Variants in VPS13B observed in about 807,000 individuals in gnomAD.
The protein encoded by VPS13B is intermembrane lipid transfer protein VPS13B.
Under a neutral mutation model 426.4 loss-of-function variants are expected in VPS13B, and 285 were observed. That is an observed-to-expected ratio of 0.67 (90% CI 0.61 to 0.74). The LOEUF (loss-of-function observed/expected upper bound fraction) is 0.74, where lower values mean the gene tolerates loss of function less well. Ranked by LOEUF, VPS13B falls within the 30% of genes least tolerant of loss-of-function variation. VPS13B has a pLI of 0.00. For synonymous variants in VPS13B, 1,676 were observed against 1,676.4 expected, an observed-to-expected ratio of 1.00 and a Z score of 0.01; for missense variants, 4,537 against 4,782.6, an observed-to-expected ratio of 0.95 and a Z score of 1.51.
intron 17 of VPS13B, among the ~76,000 whole-genome samples, chr8:99,234,611 C>G (rs1326504704): frequency 1.3e-5 from 2 of 152,244 alleles, no homozygotes; most frequent in Non-Finnish European, 2.9e-5. Context: ...TGCGCTCGCG[C>G]AGTCCCTAGT....
chr8:99,724,672 G>T (rs1215746290), intron 39 of VPS13B, among the ~76,000 whole-genome samples: 1 of 152,092 alleles, frequency 6.6e-6, no homozygotes, highest in Non-Finnish European at 1.5e-5. Flanking sequence ...CACATAGTGA[G>T]CTCTTAATAA....
At chr8:99,121,789 A>G in intron 8 of VPS13B, 1 of 212,830 alleles carries the variant, frequency 4.7e-6, no homozygotes, top group Non-Finnish European at 9.1e-6. Context: ...TTTACCTGTC[A>G]GGTACGGTTT....
At chr8:99,848,717 G>T in intron 54 of VPS13B, 59 bp from the exon 55 acceptor site, 1 of 1,493,480 alleles carries the variant, frequency 6.7e-7, no homozygotes. Flanking sequence ...TTGAAGTCAA[G>T]CCACTTCAAT....
At chr8:99,697,289 G>T in intron 35 of VPS13B, 2 of 577,298 alleles carry the variant, frequency 3.5e-6, no homozygotes. Flanking sequence ...AGAAGCGCTC[G>T]GAGTTGGAGA....
chr8:99,162,547 G>A (rs966721537), intron 15 of VPS13B, among the ~76,000 whole-genome samples: 1 of 152,052 alleles, frequency 6.6e-6, no homozygotes, highest in African/African-American at 2.4e-5. Flanking sequence ...TGTATTTGGA[G>A]TTTCTTCCTT....
intron 6 of VPS13B, among the ~76,000 whole-genome samples, chr8:99,114,621 C>T (rs914629377): frequency 3.3e-5 from 5 of 152,164 alleles, no homozygotes; most frequent in Non-Finnish European, 7.4e-5. Flanking sequence ...ACTCATTCCC[C>T]GCTTTCTTAC....
At chr8:99,741,392 A>G (rs1430585034) in intron 39 of VPS13B, among the ~76,000 whole-genome samples, 6 of 152,196 alleles carry the variant, frequency 3.9e-5, no homozygotes, top group African/African-American at 1.4e-4. Flanking sequence ...TTAACACCCC[A>G]CTGTCAACAT....
At chr8:99,161,755 C>CCCAGCACTTTGGGAGGTCG (rs1811667995) in intron 15 of VPS13B, among the ~76,000 whole-genome samples, 1 of 131,558 alleles carries the variant, frequency 7.6e-6, no homozygotes. Flanking sequence ...TTTTTTGAGA[C>CCCAGCACTTTGGGAGGTCG]AGAGTCTCAT....
intron 53 of VPS13B, 83 bp from the exon 54 acceptor site, chr8:99,835,456 G>A (rs753677064): frequency 3.3e-5 from 50 of 1,529,162 alleles, no homozygotes; most frequent in Middle Eastern, 1.8e-4. Context: ...TTTTTGAGAA[G>A]TTTCTTTTGC....
At chr8:99,693,761 T>C (rs1404921762) in intron 35 of VPS13B, among the ~76,000 whole-genome samples, 2 of 147,150 alleles carry the variant, frequency 1.4e-5, no homozygotes, top group Non-Finnish European at 3.0e-5. Flanking sequence ...AAATTGTCCC[T>C]GTTTGCAGAC....
At chr8:99,115,642 T>C in intron 6 of VPS13B, 58 bp from the exon 7 acceptor site, 1 of 1,554,744 alleles carries the variant, frequency 6.4e-7, no homozygotes, top group East Asian at 2.3e-5. Flanking sequence ...TTTCTTTATG[T>C]AAAAAATACT....
chr8:99,413,735 G>A (rs1318465808), intron 21 of VPS13B, among the ~76,000 whole-genome samples: 1 of 152,110 alleles, frequency 6.6e-6, no homozygotes, highest in Non-Finnish European at 1.5e-5. Flanking sequence ...ATATAGCTGT[G>A]TGGTTGTGAG....
intron 3 of VPS13B, among the ~76,000 whole-genome samples, chr8:99,043,262 A>G (rs572689431): frequency 6.6e-6 from 1 of 152,114 alleles, no homozygotes; most frequent in South Asian, 2.1e-4. Flanking sequence ...TGATGGATTT[A>G]CTTGTAGAAA....
At chr8:99,697,158 G>C in intron 35 of VPS13B, 1 of 541,644 alleles carries the variant, frequency 1.8e-6, no homozygotes, top group Admixed American at 2.8e-5. Context: ...CCCAGAGATT[G>C]TGGCAAAGGA....
At chr8:99,197,548 A>C (rs1337420545) in intron 17 of VPS13B, among the ~76,000 whole-genome samples, 2 of 152,118 alleles carry the variant, frequency 1.3e-5, no homozygotes, top group African/African-American at 4.8e-5. Flanking sequence ...CTGGGAATTT[A>C]TTAATTTCTT....
At chr8:99,327,627 G>T (rs1810344738) in intron 19 of VPS13B, among the ~76,000 whole-genome samples, 1 of 152,130 alleles carries the variant, frequency 6.6e-6, no homozygotes, top group Non-Finnish European at 1.5e-5. Flanking sequence ...CTGTATAAGT[G>T]GATGGGAAAG....
intron 33 of VPS13B, among the ~76,000 whole-genome samples, chr8:99,623,136 G>A (rs1160266777): frequency 6.6e-6 from 1 of 152,114 alleles, no homozygotes; most frequent in African/African-American, 2.4e-5. Flanking sequence ...CCCTCCATCA[G>A]TCTCTGACCT....
intron 35 of VPS13B, among the ~76,000 whole-genome samples, chr8:99,678,228 A>G (rs1426592114): frequency 2.6e-5 from 4 of 152,094 alleles, no homozygotes; most frequent in African/African-American, 9.7e-5. Context: ...CTCACAATTT[A>G]CTACCATCTT....
At chr8:99,060,044 C>T (rs1844095463) in intron 3 of VPS13B, among the ~76,000 whole-genome samples, 1 of 152,010 alleles carries the variant, frequency 6.6e-6, no homozygotes, top group Non-Finnish European at 1.5e-5. Flanking sequence ...CAAGGTTTAG[C>T]TTCTTTTTGA....
Sources: allele counts gnomAD v4.1 joint callset (sites outside exome capture counted in the v4.1 genomes callset), GRCh38; gene constraint gnomAD v4.1.1; transcripts MANE v1.5; gene names NCBI Gene and HGNC (gene_info 2026-07-23, HGNC 2026-07-21).